DYNC1LI1: variants seen among roughly 807,000 people sequenced by gnomAD.
DYNC1LI1 encodes the protein dynein cytoplasmic 1 light intermediate chain 1, also known as cytoplasmic dynein 1 light intermediate chain 1.
A neutral mutation model predicts 63.8 loss-of-function variants in DYNC1LI1; 19 were observed. The observed-to-expected ratio is 0.30, with a 90% CI of 0.21 to 0.44. The LOEUF (loss-of-function observed/expected upper bound fraction) is 0.44. DYNC1LI1 is among the 20% of genes least tolerant of loss of function. The pLI is 1.00. For synonymous variants in DYNC1LI1, 225 were observed against 232.3 expected, an observed-to-expected ratio of 0.97 and a Z score of 0.28; for missense variants, 565 against 630.2, an observed-to-expected ratio of 0.90 and a Z score of 1.11.
At chr3:32,564,574 T>C (rs562278838) in intron 2 of DYNC1LI1, among the ~76,000 whole-genome samples, 1 of 152,352 alleles carries the variant, frequency 6.6e-6, no homozygotes, top group East Asian at 1.9e-4. Flanking sequence ...GCTGATTCTA[T>C]TATAAGATGC....
chr3:32,526,011 T>C lies in DYNC1LI1; in HGVS notation c.*788A>G, dbSNP rs1194045582. On this transcript the variant is annotated 3_prime_UTR_variant, in exon 13 of 13. Transcript: ENST00000273130. ...TGCAGAGAATAAATACTTTATTAAC[T>C]GATTACAGTTGAAAGTCACAAACAA... 1.3e-5 allele frequency: 2 copies of C among 152,470 alleles called. No individual in the cohort carries two copies. The highest frequency in any genetic ancestry group is 2.9e-5 in the Non-Finnish European group (2 of 68,022). 9.4% of individuals were successfully genotyped at this position (152,470 alleles called of 1,614,324 possible).
chr3:32,550,441 A>C (rs986620578), intron 2 of DYNC1LI1, among the ~76,000 whole-genome samples: 2 of 152,208 alleles, frequency 1.3e-5, no homozygotes, highest in Non-Finnish European at 2.9e-5. Context: ...CAAAACAAAC[A>C]AACAAAAAAA....
chr3:32,563,543 T>C (rs921201344), intron 2 of DYNC1LI1, among the ~76,000 whole-genome samples: 51 of 152,174 alleles, frequency 3.4e-4, no homozygotes, highest in African/African-American at 1.2e-3. Context: ...CTGCCTGTCT[T>C]GGCCTCCCAA....
In DYNC1LI1 at chr3:32,537,062, C is replaced by A. The variant is rs759498649; in HGVS notation, c.781G>T (p.Asp261Tyr). ...GACTGAATAAAATCAAAATGTTCATCTCTGTAGTCATGTTCTTTCTCCAAT... is the reference window on the plus strand; with the variant it reads ...GACTGAATAAAATCAAAATGTTCATATCTGTAGTCATGTTCTTTCTCCAAT... ...SVLEKEHDYRDEHFDFIQSHI... is the reference protein window; with the variant it reads ...SVLEKEHDYRYEHFDFIQSHI... The change falls in exon 6 of 13, where the codon GAT becomes TAT. Residue 261 changes from aspartate to tyrosine, a missense_variant. Asp to Tyr is a radical substitution (Grantham distance 160, BLOSUM62 -3). Transcript: ENST00000273130. 35 of 1,600,166 alleles carry A rather than the reference C, an allele frequency of 2.2e-5. No homozygotes were observed. Among genetic ancestry groups the A allele is most frequent in the Non-Finnish European group, 2.8e-5 (33 of 1,174,638 alleles).
intron 2 of DYNC1LI1, among the ~76,000 whole-genome samples, chr3:32,546,734 A>C (rs1420626167): frequency 6.6e-6 from 1 of 152,214 alleles, no homozygotes; most frequent in African/African-American, 2.4e-5. Flanking sequence ...AGTTCCCTGT[A>C]CATCAGGACA....
In DYNC1LI1 at chr3:32,526,793, G is replaced by A. The variant is rs1697624575; in HGVS notation, c.*6C>T. The A allele has an allele frequency of 2.5e-6, 4 of 1,584,952 alleles. No individual in the cohort carries two copies. Among genetic ancestry groups the A allele is most frequent in the Middle Eastern group, 1.7e-4 (1 of 5,998 alleles). ...AAAACAGAATAAATGGCTTTATTTG[G>A]TATCTTCAAGAAGCTTCTCCTTCCG... is the stretch of plus-strand genomic sequence containing the variant. On this transcript the variant is annotated 3_prime_UTR_variant, in exon 13 of 13. Coordinates refer to ENST00000273130, the MANE Select transcript of DYNC1LI1 (RefSeq NM_016141.4).
At chr3:32,533,796 A>T (rs1697736384) in intron 7 of DYNC1LI1, among the ~76,000 whole-genome samples, 1 of 151,966 alleles carries the variant, frequency 6.6e-6, no homozygotes, top group South Asian at 2.1e-4. Context: ...TCTTGGGCTC[A>T]AATAATCCTT....
intron 5 of DYNC1LI1, 85 bp downstream of exon 5, chr3:32,540,952 T>G: frequency 9.9e-7 from 1 of 1,008,514 alleles, no homozygotes; most frequent in Non-Finnish European, 1.4e-6. Flanking sequence ...AGAACTAATG[T>G]GTTAACTCCA....
At chr3:32,570,448 C>T (rs777572238) in intron 1 of DYNC1LI1, 29 bp from the exon 2 acceptor site, 3 of 1,562,378 alleles carry the variant, frequency 1.9e-6, no homozygotes, top group Non-Finnish European at 1.7e-6. Flanking sequence ...TACGGTGAGG[C>T]CGGAGGCCGG....
chr3:32,540,681 CAA>C (rs556985128), intron 5 of DYNC1LI1, among the ~76,000 whole-genome samples: 110 of 52,636 alleles, frequency 2.1e-3, no homozygotes, highest in African/African-American at 5.8e-3. Context: ...AACTCCGTCT[CAA>C]AAAAAAAAAA....
rs537160518 is a variant in DYNC1LI1 at position 32,547,648 on chromosome 3, G to A, written c.221-1683C>T. 3.3e-5 allele frequency among the ~76,000 whole-genome samples: 5 copies of A among 152,248 alleles called. No individual in the cohort carries two copies. The South Asian group carries it at 8.3e-4, about 25-fold the overall frequency. On this transcript the variant is annotated intron_variant, in intron 2 of 12. Coordinates refer to ENST00000273130, the MANE Select transcript of DYNC1LI1 (RefSeq NM_016141.4). ...GCCAAATTCAAAGTATCCCAGAGCAGTCAATTCCATATTCAACTGCACCAG... is the reference window on the plus strand; with the variant it reads ...GCCAAATTCAAAGTATCCCAGAGCAATCAATTCCATATTCAACTGCACCAG...
intron 8 of DYNC1LI1, 174 bp downstream of exon 8, chr3:32,532,812 T>G (rs1331192226): frequency 8.7e-7 from 1 of 1,146,686 alleles, no homozygotes; most frequent in African/African-American, 1.6e-5. Flanking sequence ...ATTTCTATTT[T>G]GCTAAAACAA....
At chr3:32,560,612 A>G (rs1698176790) in intron 2 of DYNC1LI1, among the ~76,000 whole-genome samples, 1 of 152,120 alleles carries the variant, frequency 6.6e-6, no homozygotes, top group African/African-American at 2.4e-5. Flanking sequence ...CTACCTTTGG[A>G]TTGATCATTC....
Position 32,530,325 on chromosome 3 carries a change from G to C in DYNC1LI1, c.1144C>G (p.Leu382Val). The change falls in exon 10 of 13, where the codon CTT becomes GTT. Residue 382 changes from leucine (L) to valine (V), a missense_variant. Physicochemically the swap from Leu to Val is conservative, Grantham distance 32. Transcript: ENST00000273130. ...GCAGTTGGTGGTTGCTTTGCTAAAAGGGACTGAAAAAAAAAAAAAAAAAGA... is the reference window on the plus strand; with the variant it reads ...GCAGTTGGTGGTTGCTTTGCTAAAACGGACTGAAAAAAAAAAAAAAAAAGA... ...DQVFLMKLQS[L>V]LAKQPPTAAG... The C allele has an allele frequency of 6.3e-7, 1 of 1,594,798 alleles. No individual in the cohort carries two copies. The highest frequency in any genetic ancestry group is 2.2e-5 in the East Asian group (1 of 44,668).
At chr3:32,538,914 T>C (rs1174092305) in intron 5 of DYNC1LI1, among the ~76,000 whole-genome samples, 3 of 152,186 alleles carry the variant, frequency 2.0e-5, no homozygotes, top group African/African-American at 2.4e-5. Flanking sequence ...ATACATCTGA[T>C]AGTGTCTTAG....
rs1411141475 is a variant in DYNC1LI1 at position 32,545,888 on chromosome 3, C to T, written c.298G>A (p.Glu100Lys). The change falls in exon 3 of 13, where the codon GAA (glutamate) becomes AAA (lysine). Residue 100 changes from glutamate to lysine, a missense_variant. Coordinates refer to ENST00000273130, the MANE Select transcript of DYNC1LI1 (RefSeq NM_016141.4). Reference sequence around the variant, plus strand: ...TCATGCACATTTAAGTACAAATATTCCAATCCTCTTCCTTTCTTATACTCC... The same window carrying T: ...TCATGCACATTTAAGTACAAATATTTCAATCCTCTTCCTTTCTTATACTCC... Reference protein sequence around the residue: ...IEEYKKGRGLEYLYLNVHDED... With the variant: ...IEEYKKGRGLKYLYLNVHDED... 4 of 1,612,810 alleles carry T rather than the reference C, an allele frequency of 2.5e-6. No homozygotes were observed. The South Asian group carries it at 3.3e-5, about 13-fold the overall frequency.
intron 4 of DYNC1LI1, among the ~76,000 whole-genome samples, 187 bp downstream of exon 4, chr3:32,544,689 C>T (rs1006420462): frequency 5.3e-5 from 8 of 151,660 alleles, no homozygotes; most frequent in African/African-American, 9.7e-5. Context: ...TTGCAGTGAG[C>T]CAAGATTGCG....
rs1553617903 is a variant in DYNC1LI1, at chr3:32,537,972, A to ATAAAT, written c.739-869_739-868insATTTA. ...TAATTTATATATATAATATATATAT[A>ATAAAT]TTTATATATAATATATATATATAAT... On this transcript the variant is annotated intron_variant, in intron 5 of 12. Coordinates refer to ENST00000273130, the MANE Select transcript of DYNC1LI1 (RefSeq NM_016141.4). Among the ~76,000 whole-genome samples the ATAAAT allele has an allele frequency of 9.3e-4, 2 of 2,140 alleles. 1 individual carries two copies. The highest frequency in any genetic ancestry group is 1.8e-3 in the Non-Finnish European group (2 of 1,086). 1.4% of individuals were successfully genotyped at this position (2,140 alleles called of 152,430 possible). A position where few individuals can be genotyped will look rare whatever the true frequency, so the allele number is the denominator to read the frequency against.
intron 4 of DYNC1LI1, among the ~76,000 whole-genome samples, chr3:32,544,408 A>C (rs1420850093): frequency 6.6e-6 from 1 of 152,202 alleles, no homozygotes; most frequent in East Asian, 1.9e-4. Flanking sequence ...ACAGTTTACC[A>C]TTGTGTCTTA....
Sources: allele counts gnomAD v4.1 joint callset (sites outside exome capture counted in the v4.1 genomes callset), GRCh38; gene constraint gnomAD v4.1.1; transcripts MANE v1.5; gene names NCBI Gene and HGNC (gene_info 2026-07-23, HGNC 2026-07-21).